The following BRD1 variants were observed in gnomAD, a reference collection of about 807,000 sequenced individuals.
The protein encoded by BRD1 is bromodomain-containing protein 1.
Under a neutral mutation model 107.7 loss-of-function variants are expected in BRD1, and 24 were observed. That is an observed-to-expected ratio of 0.22 (90% CI 0.16 to 0.31). The LOEUF (loss-of-function observed/expected upper bound fraction) is 0.31. Ranked by LOEUF, BRD1 falls within the 10% of genes least tolerant of loss-of-function variation. The pLI, the probability that BRD1 is intolerant of heterozygous loss-of-function variation, is 1.00. For synonymous variants in BRD1, 744 were observed against 686.1 expected, an observed-to-expected ratio of 1.08 and a Z score of -1.32; for missense variants, 1,279 against 1,638.6, an observed-to-expected ratio of 0.78 and a Z score of 3.79.
At chr22:49,821,031 C>T (rs2060055744) in intron 2 of BRD1, 1 of 152,332 alleles carries the variant, frequency 6.6e-6, no homozygotes, top group Non-Finnish European at 1.5e-5. Flanking sequence ...AACAGAACCA[C>T]ACAGTACGCG....
chr22:49,808,824 A>G (rs995146360), intron 2 of BRD1, among the ~76,000 whole-genome samples: 1 of 152,248 alleles, frequency 6.6e-6, no homozygotes, highest in African/African-American at 2.4e-5. Context: ...TCAATACATC[A>G]GAAGAAAAAG....
chr22:49,823,400 C>A lies in BRD1; in HGVS notation c.918G>T (p.Thr306=). 1 of 1,613,376 alleles carries A rather than the reference C, an allele frequency of 6.2e-7. No homozygotes were observed. The highest frequency in any genetic ancestry group is 8.5e-7 in the Non-Finnish European group (1 of 1,180,024). ...CCCCATCGATGGGCTCGATGAACAC[C>A]GTGTTGGCAAAGCCGACCTCTGGGA... ...LWIPEVGFAN[T]VFIEPIDGVR... The change falls in exon 2 of 13, where the codon ACG becomes ACT. Residue 306 remains threonine, a synonymous_variant. Coordinates refer to ENST00000404760, the MANE Select transcript of BRD1 (RefSeq NM_001304808.3).
rs1287771657 is a variant in BRD1 at position 49,797,850 on chromosome 22, C to G, written c.2053G>C (p.Glu685Gln). 7.4e-6 allele frequency: 12 copies of G among 1,611,378 alleles called. No homozygotes were observed. The highest frequency in any genetic ancestry group is 1.0e-5 in the Non-Finnish European group (12 of 1,179,006). ...LEEASGMHLPERPAAAPRRPF... is the reference protein window; with the variant it reads ...LEEASGMHLPQRPAAAPRRPF... ...CGCCGCGGTGCCGCAGCAGGCCGCT[C>G]AGGCAGGTGCATCCCCGAGGCCTCT... The change falls in exon 6 of 13, where the codon GAG becomes CAG. Residue 685 changes from glutamate to glutamine, a missense_variant. This residue lies in a region of BRD1 where 406 missense variants were observed against 519.4 expected (regional missense o/e 0.78). Transcript: ENST00000404760.
intron 10 of BRD1, 138 bp from the exon 11 acceptor site, chr22:49,776,297 G>A (rs2059098647): frequency 1.4e-6 from 1 of 716,914 alleles, no homozygotes; most frequent in South Asian, 1.7e-5. Flanking sequence ...CACCCCGGCA[G>A]CACCACTGCC....
intron 2 of BRD1, among the ~76,000 whole-genome samples, chr22:49,813,618 G>C (rs2059896239): frequency 6.6e-6 from 1 of 151,718 alleles, no homozygotes; most frequent in South Asian, 2.1e-4. Flanking sequence ...GATCACTTGA[G>C]GTCAAGAGTT....
chr22:49,821,417 A>G lies in BRD1; in HGVS notation c.1367+1534T>C, dbSNP rs1601746660. 6.6e-5 allele frequency among the ~76,000 whole-genome samples: 10 copies of G among 152,318 alleles called. 3 individuals are homozygous for G. Among genetic ancestry groups the G allele is most frequent in the Admixed American group, 6.5e-4 (10 of 15,298 alleles). ...AATCCAAGCAAAACCATCTCTTCAA[A>G]GTCAGATTAATTTACAAAGACAAAC... On this transcript the variant is annotated intron_variant, in intron 2 of 12. Transcript: ENST00000404760.
intron 2 of BRD1, among the ~76,000 whole-genome samples, chr22:49,818,829 T>C (rs1221131042): frequency 6.6e-6 from 1 of 151,738 alleles, no homozygotes; most frequent in Non-Finnish European, 1.5e-5. Context: ...GAGCTTGTAG[T>C]GAGCCGAGAT....
At position 49,824,059 on chromosome 22, in the gene BRD1, A is replaced by G. The variant is rs2060118741; in HGVS notation, c.259T>C (p.Leu87=). 1.9e-6 allele frequency: 3 copies of G among 1,613,978 alleles called. No individual in the cohort carries two copies. Among genetic ancestry groups the G allele is most frequent in the East Asian group, 4.5e-5 (2 of 44,882 alleles). The change falls in exon 2 of 13, where the codon TTA becomes CTA. Residue 87 remains leucine, a synonymous_variant. Transcript: ENST00000404760. The surrounding 1 kb of genome is among the most constrained non-coding windows in gnomAD (Gnocchi z 5.9). ...KENSERPPVC[L]RTKRHKNNRV... ...TTGTTTTTGTGACGCTTAGTTCTTA[A>G]GCAGACAGGAGGCCGCTCGCTGTTT...
intron 8 of BRD1, among the ~76,000 whole-genome samples, chr22:49,785,910 G>C (rs1457106245): frequency 1.3e-5 from 2 of 152,160 alleles, no homozygotes; most frequent in Admixed American, 6.5e-5. Context: ...CTCCCCGGAC[G>C]CTTCAGGCCA....
In BRD1 at chr22:49,777,145, A is replaced by G. The variant is rs542842150; in HGVS notation, c.3010T>C (p.Cys1004Arg). Reference protein sequence around the residue: ...LCDSSFNAPKCGRGKPALVRR... With the variant: ...LCDSSFNAPKRGRGKPALVRR... The stretch of plus-strand genomic sequence containing the variant: ...ACAAGAGCCGGTTTGCCCCGCCCAC[A>G]TTTGGGCGCATTAAAGCTTCGGGAG... The change falls in exon 10 of 13, where the codon TGT becomes CGT. Residue 1004 changes from cysteine (C) to arginine (R), a missense_variant. Transcript: ENST00000404760. 2 of 1,613,064 alleles carry G rather than the reference A, an allele frequency of 1.2e-6. No individual in the cohort carries two copies. The highest frequency in any genetic ancestry group is 2.7e-5 in the African/African-American group (2 of 75,054).
chr22:49,776,993 G>A, intron 10 of BRD1, 41 bp downstream of exon 10: 1 of 1,610,982 alleles, frequency 6.2e-7, no homozygotes, highest in Non-Finnish European at 8.5e-7. Context: ...ACGCTAACCA[G>A]GAGGTGTGGA....
At chr22:49,786,312 G>A (rs1433380528) in intron 8 of BRD1, among the ~76,000 whole-genome samples, 1 of 152,178 alleles carries the variant, frequency 6.6e-6, no homozygotes, top group Non-Finnish European at 1.5e-5. Flanking sequence ...GCAAACCGAT[G>A]ACAGCTGCTC....
At chr22:49,826,954 C>T (rs1240728556) in intron 1 of BRD1, among the ~76,000 whole-genome samples, 1 of 152,198 alleles carries the variant, frequency 6.6e-6, no homozygotes, top group Non-Finnish European at 1.5e-5. Context: ...CGCGAGGCGT[C>T]TCCCTGCAAA....
At chr22:49,781,332 C>T (rs1175614467) in intron 8 of BRD1, among the ~76,000 whole-genome samples, 2 of 152,208 alleles carry the variant, frequency 1.3e-5, no homozygotes, top group East Asian at 3.8e-4. Flanking sequence ...AAAGGGTCTT[C>T]TGAGAGACTG....
At chr22:49,811,849 T>G (rs2059856328) in intron 2 of BRD1, among the ~76,000 whole-genome samples, 1 of 152,186 alleles carries the variant, frequency 6.6e-6, no homozygotes, top group Non-Finnish European at 1.5e-5. Context: ...CGGTGCTGAG[T>G]CTCCCAATTC....
At chr22:49,826,351 G>A (rs2060148807) in intron 1 of BRD1, 2 of 789,946 alleles carry the variant, frequency 2.5e-6, no homozygotes, top group Non-Finnish European at 3.1e-6. Flanking sequence ...GGGACCCGGG[G>A]AAAGTAGGCC....
At chr22:49,817,244 G>C (rs1261235923) in intron 2 of BRD1, 2 of 161,294 alleles carry the variant, frequency 1.2e-5, no homozygotes, top group Non-Finnish European at 2.7e-5. Context: ...TGGAGGTGAT[G>C]TGTCTGGCAG....
At chr22:49,781,066 G>A (rs1013990165) in intron 8 of BRD1, among the ~76,000 whole-genome samples, 2 of 152,136 alleles carry the variant, frequency 1.3e-5, no homozygotes, top group African/African-American at 4.8e-5. Flanking sequence ...AAGAGGCGGC[G>A]GCTGCCAGGA....
chr22:49,809,826 A>G (rs185819690), intron 2 of BRD1, among the ~76,000 whole-genome samples: 6 of 152,288 alleles, frequency 3.9e-5, no homozygotes, highest in African/African-American at 7.2e-5. Context: ...AGGAGCTACA[A>G]TGAGAACTGT....
Sources: gnomAD v4.1 joint callset for allele counts (sites outside exome capture counted in the v4.1 genomes callset) on GRCh38, gnomAD v4.1.1 for gene constraint, gnomAD v4.1.1 regional missense constraint, Gnocchi (gnomAD v3.1) non-coding constraint, MANE v1.5 for transcripts, NCBI Gene and HGNC (gene_info 2026-07-23, HGNC 2026-07-21) for gene names.